Variants in CRTAC1 observed in about 807,000 individuals in gnomAD.
The protein encoded by CRTAC1 is cartilage acidic protein 1.
A neutral mutation model predicts 67.8 loss-of-function variants in CRTAC1; 37 were observed. The ratio of observed to expected loss-of-function variants is 0.55; its 90% CI spans 0.42 to 0.72. CRTAC1 has a LOEUF of 0.72. Ranked by LOEUF, CRTAC1 falls within the 30% of genes least tolerant of loss-of-function variation. The pLI, the probability that CRTAC1 is intolerant of heterozygous loss-of-function variation, is 0.00. For missense variants in CRTAC1, 780 were observed against 931.6 expected, an observed-to-expected ratio of 0.84 and a Z score of 2.12; for synonymous variants, 348 against 371.0, an observed-to-expected ratio of 0.94 and a Z score of 0.71.
rs116930842 is a variant in CRTAC1 at position 97,892,417 on chromosome 10, C to T, written c.1486+2828G>A. ...AGAACCCTGGATAAGCAACCACCTA[C>T]GATACCGTGGTGGTCACCTTGGTGC... On this transcript the variant is annotated intron_variant, in intron 11 of 14. Transcript: ENST00000370597. 4.5e-3 allele frequency among the ~76,000 whole-genome samples: 686 copies of T among 152,326 alleles called. 6 individuals carry two copies. Among genetic ancestry groups the T allele is most frequent in the Non-Finnish European group, 7.4e-3 (502 of 68,024 alleles).
intron 3 of CRTAC1, among the ~76,000 whole-genome samples, chr10:97,935,606 G>A (rs558120973): frequency 1.3e-5 from 2 of 152,302 alleles, no homozygotes; most frequent in African/African-American, 4.8e-5. Context: ...ACGAACTCAA[G>A]GTCTGTCTTC....
chr10:97,995,768 G>C (rs1428402570), intron 2 of CRTAC1, among the ~76,000 whole-genome samples: 1 of 152,200 alleles, frequency 6.6e-6, no homozygotes, highest in Non-Finnish European at 1.5e-5. Context: ...TAGGGTTACA[G>C]AACCCTACAT....
intron 2 of CRTAC1, among the ~76,000 whole-genome samples, chr10:97,946,309 C>G (rs1052394208): frequency 6.6e-6 from 1 of 152,192 alleles, no homozygotes; most frequent in Non-Finnish European, 1.5e-5. Flanking sequence ...TGACTGGAAC[C>G]AGGATGTGGT....
At chr10:98,004,149 A>G (rs1488452533) in intron 2 of CRTAC1, among the ~76,000 whole-genome samples, 1 of 152,238 alleles carries the variant, frequency 6.6e-6, no homozygotes, top group Non-Finnish European at 1.5e-5. Context: ...AAGAGCTGGC[A>G]CACTGCAACC....
intron 3 of CRTAC1, among the ~76,000 whole-genome samples, chr10:97,929,634 G>T (rs566002643): frequency 3.3e-5 from 5 of 152,210 alleles, no homozygotes; most frequent in African/African-American, 1.2e-4. Context: ...TCATGAACTT[G>T]TGTTTTCCTG....
intron 3 of CRTAC1, among the ~76,000 whole-genome samples, chr10:97,931,243 G>A (rs1294315070): frequency 2.0e-5 from 3 of 152,190 alleles, no homozygotes; most frequent in African/African-American, 4.8e-5. Context: ...TGGTCGACAC[G>A]AACTTCCTGA....
chr10:97,916,293 G>A (rs1242179230), intron 5 of CRTAC1, among the ~76,000 whole-genome samples: 1 of 152,168 alleles, frequency 6.6e-6, no homozygotes, highest in Non-Finnish European at 1.5e-5. Flanking sequence ...TCTTTTCCGG[G>A]GGAAACATAG....
intron 2 of CRTAC1, among the ~76,000 whole-genome samples, chr10:97,996,148 A>G (rs1208254727): frequency 2.0e-5 from 3 of 150,550 alleles, no homozygotes; most frequent in African/African-American, 7.3e-5. Flanking sequence ...AAACCTAGGC[A>G]TTACCATTCA....
At chr10:97,931,898 G>C (rs2051009262) in intron 3 of CRTAC1, among the ~76,000 whole-genome samples, 1 of 152,162 alleles carries the variant, frequency 6.6e-6, no homozygotes, top group East Asian at 1.9e-4. Flanking sequence ...GTGGAGGGAG[G>C]TGTCAGCACC....
chr10:97,938,542 C>A (rs188007435), intron 2 of CRTAC1, among the ~76,000 whole-genome samples: 38 of 152,316 alleles, frequency 2.5e-4, no homozygotes. Flanking sequence ...TCTGTGTCTT[C>A]AGGGTCCAAA....
intron 1 of CRTAC1, among the ~76,000 whole-genome samples, chr10:98,016,891 T>C (rs1843008814): frequency 2.1e-5 from 3 of 140,592 alleles, no homozygotes; most frequent in African/African-American, 7.8e-5. Flanking sequence ...AGGGGGGATA[T>C]AAAGTTTTGG....
chr10:98,030,621 C>A lies in CRTAC1; in HGVS notation c.-149G>T, dbSNP rs1843358508. The A allele has an allele frequency of 2.4e-6, 1 of 420,314 alleles. No individual in the cohort carries two copies. Among genetic ancestry groups the A allele is most frequent in the Non-Finnish European group, 4.0e-6 (1 of 252,578 alleles). The allele number at this position is 420,314 out of a possible 1,614,324, so 26.0% of individuals were successfully genotyped here. ...CCCGACGCCGCGCGCTCGCTTTATA[C>A]AACTCCACTCGAGCGCGCCCGGTCT... is the stretch of plus-strand genomic sequence containing the variant. On this transcript the variant is annotated 5_prime_UTR_variant, in exon 1 of 15. Transcript: ENST00000370597. The surrounding 1 kb of genome is among the most constrained non-coding windows in gnomAD (Gnocchi z 4.2).
intron 2 of CRTAC1, among the ~76,000 whole-genome samples, chr10:97,974,943 G>A (rs1173789426): frequency 6.6e-6 from 1 of 152,148 alleles, no homozygotes; most frequent in Non-Finnish European, 1.5e-5. Flanking sequence ...GGAAGGGGAG[G>A]CGGGCAGAGG....
chr10:97,994,190 G>A (rs1447925238), intron 2 of CRTAC1, among the ~76,000 whole-genome samples: 1 of 152,120 alleles, frequency 6.6e-6, no homozygotes, highest in Non-Finnish European at 1.5e-5. Flanking sequence ...ATAACATTGG[G>A]ATATATTTTT....
intron 2 of CRTAC1, among the ~76,000 whole-genome samples, chr10:97,948,279 GC>G (rs1234153066): frequency 6.6e-6 from 1 of 152,166 alleles, no homozygotes; most frequent in Admixed American, 6.5e-5. Flanking sequence ...GGTCAAAAAG[GC>G]CAAGGACTGG....
At chr10:97,925,251 A>G (rs2050895745) in intron 3 of CRTAC1, among the ~76,000 whole-genome samples, 1 of 152,228 alleles carries the variant, frequency 6.6e-6, no homozygotes. Context: ...AGCCTGGGTG[A>G]CAGAACAATA....
intron 2 of CRTAC1, among the ~76,000 whole-genome samples, chr10:98,008,425 T>A (rs1289071560): frequency 2.4e-5 from 1 of 40,946 alleles, no homozygotes; most frequent in Non-Finnish European, 4.8e-5. Context: ...GAGTGGGGGG[T>A]GGGGTGGGGG....
chr10:97,903,908 G>C (rs564502325), intron 7 of CRTAC1, among the ~76,000 whole-genome samples: 1 of 152,200 alleles, frequency 6.6e-6, no homozygotes, highest in South Asian at 2.1e-4. Context: ...TGTCTTTAGG[G>C]GCAGCTGTTG....
chr10:97,911,296 CA>C (rs1183889848), intron 5 of CRTAC1, among the ~76,000 whole-genome samples: 2 of 152,242 alleles, frequency 1.3e-5, no homozygotes, highest in African/African-American at 4.8e-5. Context: ...TCATTTTCTA[CA>C]AAGCAGGTTA....
Sources: allele counts gnomAD v4.1 joint callset (sites outside exome capture counted in the v4.1 genomes callset), GRCh38; gene constraint gnomAD v4.1.1; non-coding constraint Gnocchi (gnomAD v3.1); transcripts MANE v1.5; gene names NCBI Gene and HGNC (gene_info 2026-07-23, HGNC 2026-07-21).